Variants in SMAD1 observed in about 807,000 individuals in gnomAD.
SMAD1 encodes the protein SMAD family member 1.
In SMAD1, 6 loss-of-function variants were observed where a neutral mutation model predicts 41.6. That is an observed-to-expected ratio of 0.14 (90% CI 0.08 to 0.28). SMAD1 has a LOEUF of 0.28. Among genes scored for constraint, SMAD1 ranks in the 10% least tolerant of loss-of-function variants. The pLI, the probability that SMAD1 is intolerant of heterozygous loss-of-function variation, is 1.00. For missense variants in SMAD1, 379 were observed against 582.6 expected (o/e 0.65, Z 3.60); for synonymous variants, 206 against 203.2 (o/e 1.01, Z -0.12).
At chr4:145,486,481 A>G (rs1728486621) in intron 1 of SMAD1, among the ~76,000 whole-genome samples, 1 of 152,134 alleles carries the variant, frequency 6.6e-6, no homozygotes. Flanking sequence ...AAAACATTCA[A>G]CATCTATTTT....
At chr4:145,509,271 A>G (rs1423730622) in intron 1 of SMAD1, among the ~76,000 whole-genome samples, 1 of 152,116 alleles carries the variant, frequency 6.6e-6, no homozygotes, top group East Asian at 1.9e-4. Flanking sequence ...TTCCCAATGG[A>G]TTGTGAGCTC....
chr4:145,490,041 T>G (rs1447205046), intron 1 of SMAD1, among the ~76,000 whole-genome samples: 1 of 152,064 alleles, frequency 6.6e-6, no homozygotes, highest in Non-Finnish European at 1.5e-5. Context: ...GGAGAAGAAG[T>G]CAGATAATCA....
At chr4:145,523,247 T>C (rs1730850860) in intron 2 of SMAD1, among the ~76,000 whole-genome samples, 1 of 152,164 alleles carries the variant, frequency 6.6e-6, no homozygotes, top group Admixed American at 6.5e-5. Context: ...AATAGAGGTG[T>C]GGACAGAGAC....
At chr4:145,481,190 T>C (rs1728157594), upstream of SMAD1, 1 of 152,134 alleles carries the variant, frequency 6.6e-6, no homozygotes, top group Non-Finnish European at 1.5e-5. Context: ...CCTTATGGCA[T>C]GCCATTATTT....
At chr4:145,536,389 T>G (rs1731615789) in intron 2 of SMAD1, among the ~76,000 whole-genome samples, 2 of 152,188 alleles carry the variant, frequency 1.3e-5, no homozygotes, top group Admixed American at 6.5e-5. Context: ...GCCTGGAATG[T>G]CTTGTTCCAG....
At chr4:145,498,838 C>A (rs560585484) in intron 1 of SMAD1, among the ~76,000 whole-genome samples, 1 of 152,236 alleles carries the variant, frequency 6.6e-6, no homozygotes, top group African/African-American at 2.4e-5. Context: ...TCGAATGTAT[C>A]ATAATTTATT....
intron 6 of SMAD1, 120 bp downstream of exon 6, chr4:145,554,160 C>T: frequency 2.2e-6 from 2 of 919,572 alleles, no homozygotes; most frequent in East Asian, 2.5e-5. Context: ...TATTAGCTGA[C>T]TTATTATCTA....
chr4:145,501,266 A>G (rs1156757057), intron 1 of SMAD1, among the ~76,000 whole-genome samples: 1 of 152,228 alleles, frequency 6.6e-6, no homozygotes, highest in Non-Finnish European at 1.5e-5. Context: ...TTACTGAATT[A>G]GGAGGGAAGT....
intron 1 of SMAD1, among the ~76,000 whole-genome samples, chr4:145,493,570 CTG>C (rs1483316091): frequency 1.4e-4 from 21 of 152,258 alleles, no homozygotes; most frequent in African/African-American, 4.3e-4. Context: ...GGCACAAAAA[CTG>C]TATTTATAGC....
At chr4:145,490,574 G>A (rs1209912089) in intron 1 of SMAD1, among the ~76,000 whole-genome samples, 3 of 152,168 alleles carry the variant, frequency 2.0e-5, no homozygotes, top group Non-Finnish European at 4.4e-5. Context: ...GATAGCAAAT[G>A]GGTTCAGAGA....
intron 1 of SMAD1, among the ~76,000 whole-genome samples, chr4:145,496,598 A>G (rs992977088): frequency 6.6e-6 from 1 of 152,166 alleles, no homozygotes; most frequent in Non-Finnish European, 1.5e-5. Flanking sequence ...TAGAAAATAC[A>G]GTATTTGCAG....
intron 2 of SMAD1, among the ~76,000 whole-genome samples, chr4:145,530,577 T>C (rs1220174163): frequency 6.6e-6 from 1 of 152,222 alleles, no homozygotes; most frequent in Non-Finnish European, 1.5e-5. Flanking sequence ...TTTAATGCTT[T>C]ATGATATTGT....
intron 2 of SMAD1, among the ~76,000 whole-genome samples, chr4:145,538,216 T>C (rs1211525846): frequency 1.3e-5 from 2 of 152,334 alleles, no homozygotes; most frequent in South Asian, 2.1e-4. Context: ...TTTTGGAATA[T>C]AAATTTTTAT....
chr4:145,533,290 G>C (rs149003331), intron 2 of SMAD1, among the ~76,000 whole-genome samples: 83 of 152,306 alleles, frequency 5.4e-4, no homozygotes, highest in African/African-American at 2.0e-3. Flanking sequence ...TCCAAGCCAG[G>C]AGGCTTGAAA....
intron 2 of SMAD1, among the ~76,000 whole-genome samples, chr4:145,520,578 A>G (rs574679342): frequency 2.6e-5 from 4 of 152,296 alleles, no homozygotes; most frequent in South Asian, 2.1e-4. Context: ...AGCATTTTTA[A>G]TTTTGCATGT....
At chr4:145,519,444 T>C (rs1213177810) in intron 2 of SMAD1, among the ~76,000 whole-genome samples, 7 of 151,776 alleles carry the variant, frequency 4.6e-5, no homozygotes, top group Non-Finnish European at 1.0e-4. Context: ...TGAGTACATT[T>C]AAAATCCACC....
At chr4:145,502,543 A>C (rs1329679878) in intron 1 of SMAD1, among the ~76,000 whole-genome samples, 1 of 152,240 alleles carries the variant, frequency 6.6e-6, no homozygotes, top group Non-Finnish European at 1.5e-5. Context: ...CAGGTACTCT[A>C]TTAGCAGCCT....
chr4:145,555,716 A>G (rs574056821), intron 6 of SMAD1, among the ~76,000 whole-genome samples: 1 of 152,338 alleles, frequency 6.6e-6, no homozygotes, highest in East Asian at 1.9e-4. Context: ...AAAGTTATGC[A>G]TTCAAAATTT....
intron 6 of SMAD1, among the ~76,000 whole-genome samples, chr4:145,556,735 C>T (rs908355297): frequency 2.6e-5 from 4 of 152,144 alleles, no homozygotes; most frequent in Admixed American, 6.5e-5. Context: ...CTGTCACCGA[C>T]GCCAGAGTGC....
Sources: gnomAD v4.1 joint callset for allele counts (sites outside exome capture counted in the v4.1 genomes callset) on GRCh38, gnomAD v4.1.1 for gene constraint, MANE v1.5 for transcripts, NCBI Gene and HGNC (gene_info 2026-07-23, HGNC 2026-07-21) for gene names.